Variants in NOTCH2 observed in about 807,000 individuals in gnomAD.
NOTCH2 encodes notch receptor 2.
A neutral mutation model predicts 235.8 loss-of-function variants in NOTCH2; 29 were observed. That is an observed-to-expected ratio of 0.12 (90% CI 0.09 to 0.17). NOTCH2 has a LOEUF of 0.17. NOTCH2 is among the 10% of genes least tolerant of loss of function. The pLI, the probability that NOTCH2 is intolerant of heterozygous loss-of-function variation, is 1.00. For synonymous variants in NOTCH2, 1,086 were observed against 1,141.5 expected (o/e 0.95, Z 0.98); for missense variants, 2,285 against 3,150.2 (o/e 0.73, Z 6.57).
At chr1:119,931,506 AT>A (rs1553195100) in intron 22 of NOTCH2, among the ~76,000 whole-genome samples, 5 of 152,284 alleles carry the variant, frequency 3.3e-5, no homozygotes, top group East Asian at 1.9e-4. Context: ...GTGAAAAAAA[AT>A]AACCAGGAAA....
intron 28 of NOTCH2, 53 bp from the exon 29 acceptor site, chr1:119,921,862 G>A (rs1358814197): frequency 6.9e-7 from 1 of 1,455,110 alleles, no homozygotes; most frequent in Non-Finnish European, 9.6e-7. Flanking sequence ...AACTAATACA[G>A]TGGTTTTCAA....
At chr1:119,987,133 G>A (rs782339521) in intron 4 of NOTCH2, 51 bp from the exon 5 acceptor site, 3 of 1,607,456 alleles carry the variant, frequency 1.9e-6, no homozygotes, top group Admixed American at 1.7e-5. Context: ...CAGAAGAAAC[G>A]ACCTGCTCTG....
In NOTCH2 at chr1:119,925,479, T is replaced by C. The variant is rs1271172639; in HGVS notation, c.4337A>G (p.His1446Arg). Reference sequence around the variant, plus strand: ...GTCACCCCCATCCCACTGGCAGGCATGGCTGTTGCAGGCCTCATCACAGAC... The same window carrying C: ...GTCACCCCCATCCCACTGGCAGGCACGGCTGTTGCAGGCCTCATCACAGAC... ...DGVCDEACNS[H>R]ACQWDGGDCS... The change falls in exon 25 of 34, where the codon CAT (histidine) becomes CGT (arginine). Residue 1446 changes from histidine to arginine, a missense_variant. By Grantham distance (29) the His-to-Arg change is conservative. Transcript: ENST00000256646. 3.7e-6 allele frequency: 6 copies of C among 1,614,026 alleles called. No homozygotes were observed. In the Admixed American group the frequency reaches 8.3e-5, roughly 22 times the overall value.
At chr1:119,936,197 T>C (rs1215032662) in intron 21 of NOTCH2, among the ~76,000 whole-genome samples, 3 of 152,142 alleles carry the variant, frequency 2.0e-5, no homozygotes, top group Admixed American at 1.3e-4. Flanking sequence ...TTTGACAGGT[T>C]TGCACCTGGG....
chr1:119,947,583 G>A (rs1443527033), intron 17 of NOTCH2, among the ~76,000 whole-genome samples: 3 of 152,080 alleles, frequency 2.0e-5, no homozygotes, highest in Admixed American at 2.0e-4. Context: ...CAACCACCTT[G>A]GAAAACATTC....
chr1:119,996,917 A>G (rs1652479145), intron 4 of NOTCH2, 80 bp downstream of exon 4: 4 of 1,551,770 alleles, frequency 2.6e-6, no homozygotes, highest in Non-Finnish European at 1.8e-6. Flanking sequence ...GGCTTCCTAA[A>G]AACAGCAATT....
At chr1:119,966,553 C>T (rs1651144971) in intron 8 of NOTCH2, 64 bp from the exon 9 acceptor site, 1 of 1,109,688 alleles carries the variant, frequency 9.0e-7, no homozygotes, top group African/African-American at 1.5e-5. Flanking sequence ...GACAAGGAAG[C>T]ACAAATTTGC....
intron 5 of NOTCH2, among the ~76,000 whole-genome samples, 189 bp downstream of exon 5, chr1:119,986,771 T>C (rs782580820): frequency 1.3e-5 from 2 of 152,170 alleles, no homozygotes; most frequent in South Asian, 4.1e-4. Context: ...AAAATATGTC[T>C]TTGAGTGAAC....
At chr1:119,994,478 G>T (rs1168398594) in intron 4 of NOTCH2, 1 of 130,446 alleles carries the variant, frequency 7.7e-6, no homozygotes, top group Non-Finnish European at 1.6e-5. Flanking sequence ...TGAAAAGCAA[G>T]AACTAGTCTA....
rs36084504 is a variant in NOTCH2 at position 119,940,621 on chromosome 1, C to T, written c.3117G>A (p.Thr1039=). 1.5e-3 allele frequency: 2,382 copies of T among 1,614,052 alleles called. 25 individuals are homozygous for T. In the African/African-American group the frequency reaches 0.026, roughly 17 times the overall value. ...CSSHPCLNEG[T]CVDGLGTYRC... ...GGTAGGTACCCAGGCCATCAACACA[C>T]GTTCCCTCATTCAGGCATGGATGAG... The change falls in exon 19 of 34, where the codon ACG becomes ACA. Residue 1039 remains threonine, a synonymous_variant. Coordinates refer to ENST00000256646, the MANE Select transcript of NOTCH2 (RefSeq NM_024408.4).
At chr1:119,948,090 T>C (rs782007175) in intron 17 of NOTCH2, among the ~76,000 whole-genome samples, 21 of 152,238 alleles carry the variant, frequency 1.4e-4, no homozygotes, top group Admixed American at 6.5e-5. Context: ...ATGTGCCAAA[T>C]TGTACACTGA....
chr1:119,986,866 C>T (rs190894958), intron 5 of NOTCH2, 94 bp downstream of exon 5: 37 of 1,530,462 alleles, frequency 2.4e-5, no homozygotes, highest in Middle Eastern at 1.7e-4. Flanking sequence ...CCAGAGCAGG[C>T]CTAAGATATT....
At chr1:119,937,236 C>T (rs1649886656) in intron 21 of NOTCH2, 46 bp downstream of exon 21, 1 of 1,587,460 alleles carries the variant, frequency 6.3e-7, no homozygotes, top group Non-Finnish European at 8.6e-7. Flanking sequence ...AACAGTTGTA[C>T]AATCTCCTGG....
Position 120,023,156 on chromosome 1 carries a change from A to G in NOTCH2, c.155+6750T>C, listed in dbSNP as rs61788883. ...CTGGCATAAAAAAACCTATGTCCTC[A>G]GCTGGGTGTGGTGGCTCACGCCTGT... On this transcript the variant is annotated intron_variant, in intron 2 of 33. Transcript: ENST00000256646. Among the ~76,000 whole-genome samples the G allele has an allele frequency of 5.9e-5, 9 of 152,026 alleles. No individual in the cohort carries two copies. In the South Asian group the frequency reaches 8.3e-4, roughly 14 times the overall value.
chr1:119,969,797 T>C (rs1446909806), intron 5 of NOTCH2, 53 bp from the exon 6 acceptor site: 14 of 1,460,080 alleles, frequency 9.6e-6, no homozygotes, highest in Non-Finnish European at 1.2e-5. Context: ...AAAGGACTAG[T>C]ACCATACCAG....
chr1:120,005,881 C>CT (rs1277097709), intron 2 of NOTCH2, among the ~76,000 whole-genome samples: 3 of 108,790 alleles, frequency 2.8e-5, no homozygotes, highest in Non-Finnish European at 5.7e-5. Flanking sequence ...TGCACCCCAG[C>CT]TTTTTTTCAT....
intron 1 of NOTCH2, among the ~76,000 whole-genome samples, chr1:120,055,688 T>C (rs1292217300): frequency 6.6e-6 from 1 of 150,904 alleles, no homozygotes; most frequent in African/African-American, 2.4e-5. Flanking sequence ...AAAATAAAAT[T>C]TGGAATTTTT....
chr1:119,948,889 T>C (rs1650358011), intron 16 of NOTCH2, 118 bp downstream of exon 16: 9 of 1,332,192 alleles, frequency 6.8e-6, no homozygotes, highest in East Asian at 2.3e-5. Context: ...CTGTGTGCTC[T>C]TGACAAGATG....
intron 2 of NOTCH2, among the ~76,000 whole-genome samples, chr1:120,029,289 G>T (rs1437417796): frequency 6.6e-6 from 1 of 151,558 alleles, no homozygotes; most frequent in Non-Finnish European, 1.5e-5. Context: ...GTTAAGGGGA[G>T]ACTCTAAGAG....
Sources: gnomAD v4.1 joint callset for allele counts (sites outside exome capture counted in the v4.1 genomes callset) on GRCh38, gnomAD v4.1.1 for gene constraint, MANE v1.5 for transcripts, NCBI Gene and HGNC (gene_info 2026-07-23, HGNC 2026-07-21) for gene names.